Variants in PCDHA8 observed in about 807,000 individuals in gnomAD.
The protein encoded by PCDHA8 is protocadherin alpha-8.
Under a neutral mutation model 61.8 loss-of-function variants are expected in PCDHA8, and 53 were observed. The observed-to-expected ratio is 0.86, with a 90% CI of 0.69 to 1.08. The LOEUF (loss-of-function observed/expected upper bound fraction) is 1.08, where lower values mean the gene tolerates loss of function less well. Ranked by LOEUF, PCDHA8 falls within the 50% of genes least tolerant of loss-of-function variation. The probability of loss-of-function intolerance (pLI) is 0.00; values close to 1 mark genes in which losing one functional copy is unlikely to be tolerated. For synonymous variants in PCDHA8, 618 were observed against 556.6 expected, an observed-to-expected ratio of 1.11 and a Z score of -1.55; for missense variants, 1,293 against 1,245.0, an observed-to-expected ratio of 1.04 and a Z score of -0.58.
intron 1 of PCDHA8, chr5:140,882,210 CAGTTTG>C (rs1332497676): frequency 6.5e-7 from 1 of 1,533,604 alleles, no homozygotes; most frequent in African/African-American, 1.4e-5. Flanking sequence ...CCTTGAGAGA[CAGTTTG>C]AGGTAAGGCG....
intron 1 of PCDHA8, chr5:140,875,473 A>G (rs782269579): frequency 6.2e-6 from 10 of 1,606,342 alleles, no homozygotes; most frequent in Non-Finnish European, 8.5e-6. Flanking sequence ...ATTTTCTGCA[A>G]TGGTGATTAT....
At chr5:140,875,987 TAA>T (rs781909320) in intron 1 of PCDHA8, 4 of 1,613,914 alleles carry the variant, frequency 2.5e-6, no homozygotes, top group Admixed American at 1.7e-5. Context: ...ACCTATGCGT[TAA>T]GTCTAAATGA....
chr5:140,871,719 T>G (rs1228976923), intron 1 of PCDHA8: 1 of 783,446 alleles, frequency 1.3e-6, no homozygotes, highest in East Asian at 2.9e-5. Flanking sequence ...CCTATTTCTC[T>G]TAATATTTGG....
intron 1 of PCDHA8, among the ~76,000 whole-genome samples, chr5:140,941,150 G>A (rs894422349): frequency 1.1e-4 from 17 of 151,436 alleles, no homozygotes; most frequent in Non-Finnish European, 1.8e-4. Context: ...TAGTTTGGAG[G>A]CCCCATAAGA....
At chr5:140,877,317 G>A (rs535177109) in intron 1 of PCDHA8, 1 of 1,613,886 alleles carries the variant, frequency 6.2e-7, no homozygotes. Context: ...AACCGGCGGC[G>A]GTCGGCGCGC....
At chr5:140,938,618 C>A (rs925273700) in intron 1 of PCDHA8, among the ~76,000 whole-genome samples, 1 of 152,138 alleles carries the variant, frequency 6.6e-6, no homozygotes, top group East Asian at 1.9e-4. Flanking sequence ...TTGGAATAAA[C>A]TCAGGTTGCT....
chr5:140,876,195 G>A (rs1554168359), intron 1 of PCDHA8: 2 of 1,613,944 alleles, frequency 1.2e-6, no homozygotes, highest in Admixed American at 1.7e-5. Flanking sequence ...ATGGTCCGGC[G>A]TTTGATAAGC....
chr5:140,850,619 T>C (rs1327307215), intron 1 of PCDHA8: 1 of 1,598,468 alleles, frequency 6.3e-7, no homozygotes, highest in Non-Finnish European at 8.6e-7. Context: ...GCGCGGTGTC[T>C]AGCCTGTTGG....
At chr5:140,867,679 G>A (rs1264964965) in intron 1 of PCDHA8, 1 of 151,996 alleles carries the variant, frequency 6.6e-6, no homozygotes, top group Non-Finnish European at 1.5e-5. Flanking sequence ...AAATTTTGTT[G>A]CATCTTCTTT....
chr5:141,001,395 A>G (rs1331071816), intron 3 of PCDHA8, among the ~76,000 whole-genome samples: 1 of 152,202 alleles, frequency 6.6e-6, no homozygotes. Flanking sequence ...TCCTACAGAG[A>G]ACAGGGAGTA....
intron 1 of PCDHA8, among the ~76,000 whole-genome samples, chr5:140,903,619 A>T (rs1272385465): frequency 1.3e-5 from 2 of 152,226 alleles, no homozygotes; most frequent in African/African-American, 2.4e-5. Flanking sequence ...ATGAATGTGC[A>T]TGCATATGTA....
At chr5:140,884,689 T>C (rs1290961484) in intron 1 of PCDHA8, 11 of 1,534,282 alleles carry the variant, frequency 7.2e-6, no homozygotes, top group Non-Finnish European at 9.6e-6. Flanking sequence ...AAAAATTGTC[T>C]TAGTAAACAC....
At position 140,899,599 on chromosome 5, in the gene PCDHA8, C is replaced by T. The variant is rs535938234; in HGVS notation, c.2394+55884C>T. Among the ~76,000 whole-genome samples the T allele has an allele frequency of 8.0e-3, 1,213 of 152,222 alleles. 6 individuals carry two copies. Among genetic ancestry groups the T allele is most frequent in the African/African-American group, 0.019 (784 of 41,538 alleles). ...CGGTTTGCCAGTATTTTATTGAGGA[C>T]TTTTGCATCAATGTTCATCAAGGAT... On this transcript the variant is annotated intron_variant, in intron 1 of 3. Coordinates refer to ENST00000531613, the MANE Select transcript of PCDHA8 (RefSeq NM_018911.3).
chr5:140,916,060 C>G (rs1554197265), intron 1 of PCDHA8, among the ~76,000 whole-genome samples: 1 of 152,174 alleles, frequency 6.6e-6, no homozygotes, highest in Non-Finnish European at 1.5e-5. Flanking sequence ...GGTGCCTCTC[C>G]CTGTGGCCAG....
intron 1 of PCDHA8, among the ~76,000 whole-genome samples, chr5:140,950,234 T>C (rs1423756424): frequency 1.3e-5 from 2 of 152,028 alleles, no homozygotes; most frequent in Non-Finnish European, 2.9e-5. Flanking sequence ...TCTAGTGCCA[T>C]TAATTTGTTC....
rs782469778 is a variant in PCDHA8 at position 140,882,968 on chromosome 5, G to A, written c.2394+39253G>A. The A allele has an allele frequency of 3.7e-6, 6 of 1,614,028 alleles. No homozygotes were observed. The African/African-American group carries it at 8.0e-5, about 22-fold the overall frequency. ...AGTTCAGCTGCTCATCACGATTCTGGACGTGAATGACAACGCCCCGGAATT... is the reference window on the plus strand; with the variant it reads ...AGTTCAGCTGCTCATCACGATTCTGAACGTGAATGACAACGCCCCGGAATT... On this transcript the variant is annotated intron_variant, in intron 1 of 3. Transcript: ENST00000531613.
intron 1 of PCDHA8, among the ~76,000 whole-genome samples, chr5:140,921,213 G>A (rs759293646): frequency 1.3e-5 from 2 of 151,378 alleles, no homozygotes; most frequent in East Asian, 1.9e-4. Context: ...GATAATTCAC[G>A]TCTTTTTTGC....
intron 1 of PCDHA8, among the ~76,000 whole-genome samples, chr5:140,918,314 A>G (rs2078635890): frequency 1.3e-5 from 2 of 152,138 alleles, no homozygotes; most frequent in Admixed American, 1.3e-4. Context: ...TTTTCTAGGT[A>G]TAAAATTATA....
intron 1 of PCDHA8, among the ~76,000 whole-genome samples, chr5:140,925,561 G>A (rs972926230): frequency 6.6e-6 from 1 of 151,674 alleles, no homozygotes; most frequent in African/African-American, 2.4e-5. Flanking sequence ...ACAAGTTAAT[G>A]GGTGCAGCAC....
Sources: gnomAD v4.1 joint callset for allele counts (sites outside exome capture counted in the v4.1 genomes callset) on GRCh38, gnomAD v4.1.1 for gene constraint, MANE v1.5 for transcripts, NCBI Gene and HGNC (gene_info 2026-07-23, HGNC 2026-07-21) for gene names.